Variants in CNTNAP2 observed in about 807,000 individuals in gnomAD.
CNTNAP2 encodes contactin-associated protein-like 2.
In CNTNAP2, 98 loss-of-function variants were observed where a neutral mutation model predicts 155.2. That is an observed-to-expected ratio of 0.63 (90% CI 0.54 to 0.75). The LOEUF (loss-of-function observed/expected upper bound fraction) is 0.75. Ranked by LOEUF, CNTNAP2 falls within the 30% of genes least tolerant of loss-of-function variation. The pLI, the probability that CNTNAP2 is intolerant of heterozygous loss-of-function variation, is 0.00. For synonymous variants in CNTNAP2, 651 were observed against 631.2 expected, an observed-to-expected ratio of 1.03 and a Z score of -0.47; for missense variants, 1,727 against 1,688.1, an observed-to-expected ratio of 1.02 and a Z score of -0.40.
At chr7:147,441,594 CG>C (rs1229674453) in intron 10 of CNTNAP2, among the ~76,000 whole-genome samples, 1 of 152,050 alleles carries the variant, frequency 6.6e-6, no homozygotes, top group Admixed American at 6.6e-5. Context: ...TGTTTGTACC[CG>C]TCCTTCTTGG....
At chr7:146,439,644 C>A (rs1796292576) in intron 1 of CNTNAP2, among the ~76,000 whole-genome samples, 2 of 151,594 alleles carry the variant, frequency 1.3e-5, no homozygotes, top group Non-Finnish European at 2.9e-5. Context: ...ATTTCTACAA[C>A]TTTCCACAAA....
Position 147,043,924 on chromosome 7 carries a change from T to C in CNTNAP2, c.420T>C (p.Ile140=). ...DGNIWAFPGN[I]NSDGVVRHEL... is the part of the protein sequence containing the mutation. ...TTTTCCAGGCATTTCCCGGAAACAT[T>C]AACTCTGACGGTGTGGTCCGGCACG... Residue 140 remains isoleucine (I), a synonymous_variant, in exon 4 of 24, where the codon ATT becomes ATC. Coordinates refer to ENST00000361727, the MANE Select transcript of CNTNAP2 (RefSeq NM_014141.6). The C allele has an allele frequency of 6.2e-7, 1 of 1,614,182 alleles. No individual in the cohort carries two copies. Among genetic ancestry groups the C allele is most frequent in the Non-Finnish European group, 8.5e-7 (1 of 1,180,008 alleles).
intron 10 of CNTNAP2, among the ~76,000 whole-genome samples, chr7:147,477,959 C>T (rs1798350913): frequency 6.6e-6 from 1 of 152,156 alleles, no homozygotes; most frequent in African/African-American, 2.4e-5. Flanking sequence ...TATGGTTGTA[C>T]ATTTAACATC....
chr7:146,838,389 C>T (rs1426494056), intron 2 of CNTNAP2, among the ~76,000 whole-genome samples: 1 of 152,184 alleles, frequency 6.6e-6, no homozygotes. Context: ...ACCATCTTGG[C>T]TCACTGCAAC....
intron 1 of CNTNAP2, among the ~76,000 whole-genome samples, chr7:146,131,630 T>C (rs1797714302): frequency 6.6e-6 from 1 of 152,236 alleles, no homozygotes; most frequent in Non-Finnish European, 1.5e-5. Flanking sequence ...CTTTATAATT[T>C]GTAAACTTTC....
At chr7:146,553,859 A>G (rs1490014463) in intron 1 of CNTNAP2, among the ~76,000 whole-genome samples, 1 of 152,110 alleles carries the variant, frequency 6.6e-6, no homozygotes, top group East Asian at 1.9e-4. Flanking sequence ...CTGCGTACTC[A>G]TGACCGGCAT....
At chr7:146,719,871 T>C (rs547381492) in intron 1 of CNTNAP2, among the ~76,000 whole-genome samples, 69 of 152,196 alleles carry the variant, frequency 4.5e-4, no homozygotes, top group Middle Eastern at 3.2e-3. Context: ...ACTATCATTA[T>C]ATAGCATGAC....
intron 1 of CNTNAP2, among the ~76,000 whole-genome samples, chr7:146,698,339 C>G (rs1035941166): frequency 1.3e-5 from 2 of 151,982 alleles, no homozygotes; most frequent in Non-Finnish European, 2.9e-5. Context: ...AAAAGGGAGG[C>G]TTGCTACCGA....
chr7:146,577,689 A>G (rs1798546521), intron 1 of CNTNAP2, among the ~76,000 whole-genome samples: 1 of 152,150 alleles, frequency 6.6e-6, no homozygotes, highest in African/African-American at 2.4e-5. Flanking sequence ...CAAGATCAAT[A>G]TTTGTAAAGC....
chr7:147,095,253 C>G (rs1397470923), intron 4 of CNTNAP2, among the ~76,000 whole-genome samples: 1 of 138,686 alleles, frequency 7.2e-6, no homozygotes, highest in Non-Finnish European at 1.5e-5. Flanking sequence ...TCAGGCTGGT[C>G]TCGAACTCTT....
Position 146,874,349 on chromosome 7 carries a change from A to AT in CNTNAP2, c.402+34452dup, listed in dbSNP as rs548838725. On this transcript the variant is annotated intron_variant, in intron 3 of 23. Transcript: ENST00000361727. ...TTATTTTTTATTTTTATTTTATTTTATTTTTTTGAGATGGAGTCTTGCTCT... is the reference window on the plus strand; with the variant it reads ...TTATTTTTTATTTTTATTTTATTTTATTTTTTTTGAGATGGAGTCTTGCTCT... Among the ~76,000 whole-genome samples, 11 of 152,052 alleles carry AT rather than the reference A, an allele frequency of 7.2e-5. No homozygotes were observed. The South Asian group carries it at 2.3e-3, about 31-fold the overall frequency.
chr7:148,199,250 T>C (rs1795329134), intron 18 of CNTNAP2, among the ~76,000 whole-genome samples: 1 of 152,212 alleles, frequency 6.6e-6, no homozygotes, highest in Admixed American at 6.5e-5. Flanking sequence ...AAATGTCTAA[T>C]AACAAGAAGT....
chr7:147,489,881 CTGGGATTACAGGCATGAGCCA>C (rs1339453634), intron 11 of CNTNAP2, among the ~76,000 whole-genome samples: 1 of 152,180 alleles, frequency 6.6e-6, no homozygotes, highest in Non-Finnish European at 1.5e-5. Flanking sequence ...TCCCAAAGTG[CTGGGATTACAGGCATGAGCCA>C]CCATGCCTGG....
chr7:146,257,488 C>G (rs913121495), intron 1 of CNTNAP2, among the ~76,000 whole-genome samples: 1 of 152,278 alleles, frequency 6.6e-6, no homozygotes, highest in Middle Eastern at 3.4e-3. Flanking sequence ...AAAACTATCA[C>G]GTACTTCCAG....
At chr7:146,199,660 C>T (rs1299560429) in intron 1 of CNTNAP2, among the ~76,000 whole-genome samples, 1 of 152,078 alleles carries the variant, frequency 6.6e-6, no homozygotes, top group African/African-American at 2.4e-5. Context: ...ATAAATGTTC[C>T]ATTTGAAAAC....
chr7:146,152,457 C>T (rs555819752), intron 1 of CNTNAP2, among the ~76,000 whole-genome samples: 4 of 152,060 alleles, frequency 2.6e-5, no homozygotes, highest in South Asian at 4.2e-4. Context: ...TATTGTACAA[C>T]GTGGTAGCTA....
At chr7:146,135,754 C>G (rs779079981) in intron 1 of CNTNAP2, among the ~76,000 whole-genome samples, 21 of 151,974 alleles carry the variant, frequency 1.4e-4, no homozygotes, top group Non-Finnish European at 2.6e-4. Context: ...TGCTGAATCA[C>G]TGTATAATAA....
chr7:147,216,941 G>A (rs1803281297), intron 8 of CNTNAP2, among the ~76,000 whole-genome samples: 1 of 151,972 alleles, frequency 6.6e-6, no homozygotes, highest in Admixed American at 6.5e-5. Context: ...AGATGCTAAT[G>A]TAAATGGAAG....
rs900374753 is a variant in CNTNAP2 at position 147,028,106 on chromosome 7, C to T, written c.403-15801C>T. On this transcript the variant is annotated intron_variant, in intron 3 of 23. Transcript: ENST00000361727. ...GGTTGAGTTGAAAAAGTCAGCCGTT[C>T]TTGTCCAAGAATACAAATGGGATCA... Among the ~76,000 whole-genome samples, 6 of 152,088 alleles carry T rather than the reference C, an allele frequency of 3.9e-5. No homozygotes were observed. In the South Asian group the frequency reaches 6.2e-4, roughly 16 times the overall value.
Sources: allele counts gnomAD v4.1 joint callset (sites outside exome capture counted in the v4.1 genomes callset), GRCh38; gene constraint gnomAD v4.1.1; transcripts MANE v1.5; gene names NCBI Gene and HGNC (gene_info 2026-07-23, HGNC 2026-07-21).